Variants in CAMTA1 observed in about 807,000 individuals in gnomAD.
CAMTA1 encodes calmodulin binding transcription activator 1.
In CAMTA1, 27 loss-of-function variants were observed where a neutral mutation model predicts 170.9. The observed-to-expected ratio is 0.16, with a 90% CI of 0.12 to 0.22. The LOEUF (loss-of-function observed/expected upper bound fraction) is 0.22. CAMTA1 is among the 10% of genes least tolerant of loss of function. The pLI, the probability that CAMTA1 is intolerant of heterozygous loss-of-function variation, is 1.00. For missense variants in CAMTA1, 1,619 were observed against 2,217.2 expected (o/e 0.73, Z 5.42); for synonymous variants, 833 against 891.5 (o/e 0.93, Z 1.17).
intron 6 of CAMTA1, among the ~76,000 whole-genome samples, chr1:7,574,175 G>A (rs924035251): frequency 2.6e-5 from 4 of 152,242 alleles, no homozygotes; most frequent in African/African-American, 9.6e-5. Flanking sequence ...GGGCCGTGCA[G>A]GGAGTAACAG....
At chr1:6,796,250 C>T (rs996510730) in intron 1 of CAMTA1, among the ~76,000 whole-genome samples, 1 of 144,946 alleles carries the variant, frequency 6.9e-6, no homozygotes, top group African/African-American at 2.6e-5. Flanking sequence ...CTCAGGTGAT[C>T]CCTCAGCCTC....
rs146895886 is a variant in CAMTA1, at chr1:6,945,236, T to C, written c.234+120026T>C. Among the ~76,000 whole-genome samples, 7 of 152,362 alleles carry C rather than the reference T, an allele frequency of 4.6e-5. No homozygotes were observed. In the East Asian group the frequency reaches 1.3e-3, roughly 29 times the overall value. ...TCACCCATTAAAATGTATAGTTCCA[T>C]GGATTTAGTGTATTCAGGCAGTTGT... On this transcript the variant is annotated intron_variant, in intron 3 of 22. Transcript: ENST00000303635.
intron 5 of CAMTA1, among the ~76,000 whole-genome samples, chr1:7,276,305 T>TATATATA (rs1558345669): frequency 1.5e-4 from 3 of 20,148 alleles, no homozygotes; most frequent in African/African-American, 3.7e-4. Context: ...ATATATATAT[T>TATATATA]TTTTTTTTTT....
intron 5 of CAMTA1, among the ~76,000 whole-genome samples, chr1:7,464,245 C>T (rs6689498): frequency 0.048 from 7,312 of 152,236 alleles, 242 homozygotes; most frequent in Non-Finnish European, 0.075. Context: ...CTCCCACACG[C>T]GTGTGCACCT....
chr1:7,650,151 G>A (rs1242082808), intron 7 of CAMTA1, among the ~76,000 whole-genome samples: 3 of 152,206 alleles, frequency 2.0e-5, no homozygotes, highest in Non-Finnish European at 4.4e-5. Flanking sequence ...GCCTGGAGGG[G>A]CAGATAACCC....
At chr1:6,894,113 A>G (rs916184564) in intron 3 of CAMTA1, among the ~76,000 whole-genome samples, 16 of 152,206 alleles carry the variant, frequency 1.1e-4, no homozygotes, top group African/African-American at 2.7e-4. Context: ...AACTGGGGCA[A>G]TTGTTTATTT....
At position 7,561,320 on chromosome 1, in the gene CAMTA1, A is replaced by G. The variant is rs746903343; in HGVS notation, c.511-79080A>G. Among the ~76,000 whole-genome samples, 22 of 151,584 alleles carry G rather than the reference A, an allele frequency of 1.5e-4. No homozygotes were observed. Among genetic ancestry groups the G allele is most frequent in the Admixed American group, 7.2e-4 (11 of 15,282 alleles). ...GGTTGGTGCTCCTGGAGGAGCCTCC[A>G]GGAGCCCAGCTGGGGTGATGGAGGG... On this transcript the variant is annotated intron_variant, in intron 6 of 22. Transcript: ENST00000303635. This position sits in a 1 kb window ranked among gnomAD's most constrained non-coding sequence, Gnocchi z 5.3.
At chr1:7,544,748 C>T (rs1472735663) in intron 6 of CAMTA1, among the ~76,000 whole-genome samples, 13 of 152,170 alleles carry the variant, frequency 8.5e-5, no homozygotes, top group Admixed American at 7.9e-4. Context: ...GAGGGTCTCA[C>T]GCAGCTTCCA....
chr1:6,947,386 T>C (rs376880126), intron 3 of CAMTA1, among the ~76,000 whole-genome samples: 1 of 152,104 alleles, frequency 6.6e-6, no homozygotes, highest in Non-Finnish European at 1.5e-5. Flanking sequence ...AATTTTTTTT[T>C]TTTTGTTTGA....
intron 11 of CAMTA1, among the ~76,000 whole-genome samples, chr1:7,703,119 G>T (rs116293676): frequency 0.015 from 2,349 of 152,242 alleles, 55 homozygotes; most frequent in African/African-American, 0.054. Flanking sequence ...ACTGTGTACT[G>T]CAACACCAAC....
chr1:7,546,110 C>T (rs149076145), intron 6 of CAMTA1, among the ~76,000 whole-genome samples: 1 of 152,136 alleles, frequency 6.6e-6, no homozygotes, highest in Non-Finnish European at 1.5e-5. Flanking sequence ...CACCTGCCAC[C>T]ACGCCTGGCT....
intron 6 of CAMTA1, among the ~76,000 whole-genome samples, chr1:7,579,631 C>G (rs993593696): frequency 7.0e-6 from 1 of 143,174 alleles, no homozygotes; most frequent in African/African-American, 2.6e-5. Context: ...ACAATCTCGG[C>G]TCACTGCAAC....
intron 6 of CAMTA1, among the ~76,000 whole-genome samples, chr1:7,637,627 G>A (rs1267483564): frequency 1.1e-4 from 17 of 152,226 alleles, no homozygotes; most frequent in Admixed American, 1.1e-3. Flanking sequence ...ACAGTACTTA[G>A]GCCAAGCAAA....
chr1:7,717,417 G>T (rs1323632699), intron 11 of CAMTA1, among the ~76,000 whole-genome samples: 2 of 152,086 alleles, frequency 1.3e-5, no homozygotes, highest in Non-Finnish European at 2.9e-5. Context: ...ACATCAGGTT[G>T]TATGCAATAA....
intron 3 of CAMTA1, among the ~76,000 whole-genome samples, chr1:6,963,539 C>T (rs1315368442): frequency 6.6e-6 from 1 of 152,102 alleles, no homozygotes; most frequent in Non-Finnish European, 1.5e-5. Context: ...GAGCCTCTGT[C>T]TCAGAAGTGT....
chr1:6,985,134 C>A (rs1019321255), intron 3 of CAMTA1, among the ~76,000 whole-genome samples: 1 of 152,248 alleles, frequency 6.6e-6, no homozygotes, highest in African/African-American at 2.4e-5. Flanking sequence ...GCCCGGGAAA[C>A]CTGCCCATTT....
intron 2 of CAMTA1, among the ~76,000 whole-genome samples, chr1:6,822,871 G>T (rs1227936437): frequency 6.6e-6 from 1 of 151,840 alleles, no homozygotes; most frequent in Non-Finnish European, 1.5e-5. Context: ...CAGTAGCTGG[G>T]TTCCTCGAAG....
chr1:7,210,493 G>T lies in CAMTA1; in HGVS notation c.303-38998G>T, dbSNP rs1464387186. ...TTGACTTTGACCATTGGTTAGGATG[G>T]TATCTGCTAGGTTTCTCCAGTGTAA... is the stretch of plus-strand genomic sequence containing the variant. On this transcript the variant is annotated intron_variant, in intron 4 of 22. Transcript: ENST00000303635. 2.6e-5 allele frequency among the ~76,000 whole-genome samples: 4 copies of T among 152,138 alleles called. No individual in the cohort carries two copies. The East Asian group carries it at 7.7e-4, about 29-fold the overall frequency.
chr1:7,400,393 T>C (rs745421986), intron 5 of CAMTA1, among the ~76,000 whole-genome samples: 3 of 152,252 alleles, frequency 2.0e-5, no homozygotes, highest in South Asian at 2.1e-4. Context: ...CCTGATTTCA[T>C]TGAATTCTTT....
Sources: allele counts gnomAD v4.1 joint callset (sites outside exome capture counted in the v4.1 genomes callset), GRCh38; gene constraint gnomAD v4.1.1; non-coding constraint Gnocchi (gnomAD v3.1); transcripts MANE v1.5; gene names NCBI Gene and HGNC (gene_info 2026-07-23, HGNC 2026-07-21).